The following CCDC102B variants were observed in gnomAD, a reference collection of about 807,000 sequenced individuals.
CCDC102B encodes the protein coiled-coil domain containing 102B, also known as coiled-coil domain-containing protein 102B.
A neutral mutation model predicts 57.4 loss-of-function variants in CCDC102B; 75 were observed. The ratio of observed to expected loss-of-function variants is 1.31; its 90% CI spans 1.08 to 1.58. The LOEUF (loss-of-function observed/expected upper bound fraction) is 1.58, where lower values mean the gene tolerates loss of function less well. Ranked by LOEUF, CCDC102B falls within the 40% of genes most tolerant of loss-of-function variation. The probability of loss-of-function intolerance (pLI) is 0.00; values close to 1 mark genes in which losing one functional copy is unlikely to be tolerated. For missense variants in CCDC102B, 636 were observed against 582.6 expected (o/e 1.09, Z -0.94); for synonymous variants, 206 against 201.9 (o/e 1.02, Z -0.17).
At position 69,010,750 on chromosome 18, in the gene CCDC102B, CT is replaced by C. The variant is rs573664278; in HGVS notation, c.1264-181del. On this transcript the variant is annotated intron_variant, in intron 6 of 7. Coordinates refer to ENST00000360242, the MANE Select transcript of CCDC102B (RefSeq NM_024781.3). Reference sequence around the variant, plus strand: ...AGTGCATTGTATTTTAGTCACATATCTTTCATTTATAGTCATATACTAATTA... The same window carrying C: ...AGTGCATTGTATTTTAGTCACATATCTTCATTTATAGTCATATACTAATTA... 5.3e-5 allele frequency among the ~76,000 whole-genome samples: 8 copies of C among 152,260 alleles called. No individual in the cohort carries two copies. The South Asian group carries it at 1.7e-3, about 32-fold the overall frequency.
At chr18:68,824,997 T>A (rs1330522885) in intron 1 of CCDC102B, among the ~76,000 whole-genome samples, 1 of 152,188 alleles carries the variant, frequency 6.6e-6, no homozygotes, top group Non-Finnish European at 1.5e-5. Context: ...ATATGTGAAA[T>A]ACTCAGGAAA....
At chr18:68,882,781 G>A (rs144998009) in intron 5 of CCDC102B, among the ~76,000 whole-genome samples, 1,555 of 152,124 alleles carry the variant, frequency 0.01, 18 homozygotes, top group African/African-American at 0.035. Flanking sequence ...CTTTCTCTTC[G>A]ATCCCAGAGT....
chr18:68,785,075 G>A (rs888573355), intron 2 of CCDC102B, among the ~76,000 whole-genome samples: 1 of 149,800 alleles, frequency 6.7e-6, no homozygotes, highest in Non-Finnish European at 1.5e-5. Context: ...AGAATATGCG[G>A]TGTTTGGTTT....
intron 6 of CCDC102B, among the ~76,000 whole-genome samples, chr18:68,945,052 G>A (rs564718180): frequency 1.8e-3 from 270 of 150,264 alleles, no homozygotes; most frequent in Middle Eastern, 0.01. Flanking sequence ...TGTTATCTTG[G>A]TGTGTCTCTG....
chr18:68,911,445 G>C (rs2040842814), intron 6 of CCDC102B, among the ~76,000 whole-genome samples: 1 of 152,070 alleles, frequency 6.6e-6, no homozygotes, highest in African/African-American at 2.4e-5. Flanking sequence ...AGGGTGGTGG[G>C]TGGGAGGATG....
intron 7 of CCDC102B, among the ~76,000 whole-genome samples, chr18:69,025,522 C>G (rs915601562): frequency 1.3e-4 from 20 of 152,188 alleles, no homozygotes; most frequent in African/African-American, 4.6e-4. Flanking sequence ...TTATAGTCAT[C>G]TCCTAGAGAT....
At chr18:68,915,420 T>C (rs2041035953) in intron 6 of CCDC102B, among the ~76,000 whole-genome samples, 1 of 152,218 alleles carries the variant, frequency 6.6e-6, no homozygotes, top group Non-Finnish European at 1.5e-5. Context: ...TTTCTAAATA[T>C]ATGGTTTATT....
intron 7 of CCDC102B, among the ~76,000 whole-genome samples, chr18:69,043,272 G>A (rs139530158): frequency 0.013 from 2,011 of 152,206 alleles, 48 homozygotes; most frequent in African/African-American, 0.043. Flanking sequence ...TAGATGGAAC[G>A]TACAATTGGG....
chr18:68,832,940 C>T (rs1422237597), intron 1 of CCDC102B, among the ~76,000 whole-genome samples: 1 of 152,094 alleles, frequency 6.6e-6, no homozygotes, highest in African/African-American at 2.4e-5. Context: ...CTGGACCTCA[C>T]AGTCCCTTTG....
At chr18:68,852,794 T>A (rs2144840536) in intron 4 of CCDC102B, among the ~76,000 whole-genome samples, 1 of 152,324 alleles carries the variant, frequency 6.6e-6, no homozygotes, top group Non-Finnish European at 1.5e-5. Flanking sequence ...GTTGATTTAT[T>A]TTTAATTTTG....
rs886386849 is a variant in CCDC102B, at chr18:68,849,577, G to C, written c.936+3156G>C. Among the ~76,000 whole-genome samples, 4 of 152,146 alleles carry C rather than the reference G, an allele frequency of 2.6e-5. 1 individual carries two copies. The highest frequency in any genetic ancestry group is 6.8e-3 in the Middle Eastern group (2 of 294). ...TTCATTGTACACCACCAAGCAGCAT[G>C]ATATTTCTAAGACATTACATCGGAT... On this transcript the variant is annotated intron_variant, in intron 4 of 7. Transcript: ENST00000360242.
intron 7 of CCDC102B, among the ~76,000 whole-genome samples, chr18:69,028,580 TCTTCCTTACTA>T (rs1316712683): frequency 3.3e-5 from 5 of 152,092 alleles, no homozygotes; most frequent in Admixed American, 6.6e-5. Flanking sequence ...GAGGCAGATA[TCTTCCTTACTA>T]CTCCTAACCT....
At chr18:68,999,481 C>T (rs1187532455) in intron 6 of CCDC102B, among the ~76,000 whole-genome samples, 4 of 151,580 alleles carry the variant, frequency 2.6e-5, no homozygotes, top group African/African-American at 9.7e-5. Flanking sequence ...TGGTGCATGC[C>T]TGTAATGCCA....
intron 2 of CCDC102B, among the ~76,000 whole-genome samples, chr18:68,783,253 G>A (rs942567933): frequency 4.6e-5 from 7 of 152,154 alleles, no homozygotes; most frequent in African/African-American, 1.7e-4. Flanking sequence ...TTATTTTTGA[G>A]TAGATTCCTT....
chr18:68,965,140 A>G (rs188121619), intron 6 of CCDC102B, among the ~76,000 whole-genome samples: 1 of 151,836 alleles, frequency 6.6e-6, no homozygotes, highest in East Asian at 1.9e-4. Flanking sequence ...CTTCTAGTAC[A>G]TTTTCACCTA....
At chr18:68,761,169 T>A (rs2034242338) in intron 2 of CCDC102B, among the ~76,000 whole-genome samples, 1 of 152,084 alleles carries the variant, frequency 6.6e-6, no homozygotes. Context: ...TATACAAATG[T>A]CTAAGGCTAC....
chr18:68,903,383 A>C (rs1219616114), intron 6 of CCDC102B, among the ~76,000 whole-genome samples: 2 of 152,230 alleles, frequency 1.3e-5, no homozygotes, highest in African/African-American at 2.4e-5. Context: ...GTCTGTGCTC[A>C]CTACAAAAGG....
intron 4 of CCDC102B, chr18:68,858,861 A>G (rs897276583): frequency 1.3e-5 from 2 of 152,174 alleles, no homozygotes; most frequent in African/African-American, 2.4e-5. Flanking sequence ...AAGATGGGAA[A>G]ATATTTATTC....
At chr18:68,776,763 G>A (rs2034832978) in intron 2 of CCDC102B, among the ~76,000 whole-genome samples, 1 of 151,996 alleles carries the variant, frequency 6.6e-6, no homozygotes, top group Non-Finnish European at 1.5e-5. Context: ...AAAACCCTAT[G>A]ACACAAGTTT....
Sources: allele counts gnomAD v4.1 joint callset (sites outside exome capture counted in the v4.1 genomes callset), GRCh38; gene constraint gnomAD v4.1.1; transcripts MANE v1.5; gene names NCBI Gene and HGNC (gene_info 2026-07-23, HGNC 2026-07-21).